Variants in KCTD16 observed in about 807,000 individuals in gnomAD.
KCTD16 encodes BTB/POZ domain-containing protein KCTD16.
In KCTD16, 13 loss-of-function variants were observed where a neutral mutation model predicts 33.2. The ratio of observed to expected loss-of-function variants is 0.39; its 90% CI spans 0.25 to 0.62. KCTD16 has a LOEUF of 0.62. Ranked by LOEUF, KCTD16 falls within the 20% of genes least tolerant of loss-of-function variation. KCTD16 has a pLI of 0.50. For missense variants in KCTD16, 441 were observed against 525.1 expected, an observed-to-expected ratio of 0.84 and a Z score of 1.57; for synonymous variants, 197 against 195.3, an observed-to-expected ratio of 1.01 and a Z score of -0.07.
At chr5:144,213,405 C>CT (rs1347237980) in intron 3 of KCTD16, among the ~76,000 whole-genome samples, 1 of 150,104 alleles carries the variant, frequency 6.7e-6, no homozygotes, top group South Asian at 2.1e-4. Flanking sequence ...CTCTCTCTTT[C>CT]TTTTTTTCTC....
At chr5:144,338,801 C>A (rs864096) in intron 3 of KCTD16, among the ~76,000 whole-genome samples, 32,643 of 151,964 alleles carry the variant, frequency 0.21, 3,950 homozygotes, top group Non-Finnish European at 0.28. Context: ...CAAGGCTGAG[C>A]TATAATGGTG....
chr5:144,344,548 A>G (rs1481724488), intron 3 of KCTD16, among the ~76,000 whole-genome samples: 1 of 151,884 alleles, frequency 6.6e-6, no homozygotes, highest in Admixed American at 6.6e-5. Flanking sequence ...GGCAAAGGAC[A>G]TGAACAGACA....
rs1184951987 is a variant in KCTD16 at position 144,483,784 on chromosome 5, C to T, written c.*9670C>T. The T allele has an allele frequency of 2.0e-5, 3 of 151,970 alleles. No homozygotes were observed. The allele number at this position is 151,970 out of a possible 1,614,324, so 9.4% of individuals were successfully genotyped here. Reference sequence around the variant, plus strand: ...ATGCCTTCAACTGATAGTCCTAGCACAGATCCCTCCTCCCAGAGATCTGTC... The same window carrying T: ...ATGCCTTCAACTGATAGTCCTAGCATAGATCCCTCCTCCCAGAGATCTGTC... On this transcript the variant is annotated 3_prime_UTR_variant, in exon 4 of 4. Coordinates refer to ENST00000512467, the MANE Select transcript of KCTD16 (RefSeq NM_020768.4).
At position 144,457,444 on chromosome 5, in the gene KCTD16, T is replaced by C. The variant is rs1469038482; in HGVS notation, c.833-16216T>C. Among the ~76,000 whole-genome samples, 4 of 152,154 alleles carry C rather than the reference T, an allele frequency of 2.6e-5. No individual in the cohort carries two copies. The East Asian group carries it at 7.7e-4, about 29-fold the overall frequency. Reference sequence around the variant, plus strand: ...AAGGAACAACTGAGCTGACTCTTCATTGACAGGTTGCCCAGGTTAAGGGAG... The same window carrying C: ...AAGGAACAACTGAGCTGACTCTTCACTGACAGGTTGCCCAGGTTAAGGGAG... On this transcript the variant is annotated intron_variant, in intron 3 of 3. Transcript: ENST00000512467.
At chr5:144,428,302 A>G (rs1162708368) in intron 3 of KCTD16, among the ~76,000 whole-genome samples, 1 of 152,164 alleles carries the variant, frequency 6.6e-6, no homozygotes, top group African/African-American at 2.4e-5. Context: ...AGACACCAAT[A>G]TCCTGTTTGT....
rs1177609142 is a variant in KCTD16, at chr5:144,479,645, T to G, written c.*5531T>G. 1.3e-5 allele frequency: 2 copies of G among 151,914 alleles called. No homozygotes were observed. Among genetic ancestry groups the G allele is most frequent in the Non-Finnish European group, 2.9e-5 (2 of 67,912 alleles). The allele number at this position is 151,914 out of a possible 1,614,324, so 9.4% of individuals were successfully genotyped here. ...CAAGATTAAAACAAAAATGGTTAAA[T>G]TTGATTCAGTTTGTTGCCCTCTCTC... On this transcript the variant is annotated 3_prime_UTR_variant, in exon 4 of 4. Coordinates refer to ENST00000512467, the MANE Select transcript of KCTD16 (RefSeq NM_020768.4).
intron 1 of KCTD16, among the ~76,000 whole-genome samples, chr5:144,172,797 CTG>C (rs1752422452): frequency 6.6e-6 from 1 of 152,118 alleles, no homozygotes; most frequent in Admixed American, 6.5e-5. Context: ...ATCCATGAAG[CTG>C]TGTTTCGAGT....
At chr5:144,264,211 C>T (rs1366617244) in intron 3 of KCTD16, among the ~76,000 whole-genome samples, 2 of 152,144 alleles carry the variant, frequency 1.3e-5, no homozygotes, top group African/African-American at 4.8e-5. Flanking sequence ...TACAATCTTT[C>T]TCTGTATAAA....
chr5:144,222,859 G>A (rs1024980578), intron 3 of KCTD16, among the ~76,000 whole-genome samples: 2 of 151,998 alleles, frequency 1.3e-5, no homozygotes, highest in South Asian at 2.1e-4. Flanking sequence ...TTACTGCGGC[G>A]CTGTTCACAA....
chr5:144,180,861 A>G (rs990685812), intron 2 of KCTD16, among the ~76,000 whole-genome samples: 7 of 152,158 alleles, frequency 4.6e-5, no homozygotes, highest in East Asian at 1.9e-4. Context: ...GAGGCATTCT[A>G]TTGGCTAGAA....
At chr5:144,419,394 A>T (rs538316700) in intron 3 of KCTD16, among the ~76,000 whole-genome samples, 2 of 152,182 alleles carry the variant, frequency 1.3e-5, no homozygotes, top group South Asian at 4.1e-4. Flanking sequence ...TTGTGCACAA[A>T]GTGATTTATT....
chr5:144,289,781 G>GATTACAC (rs1755844642), intron 3 of KCTD16, among the ~76,000 whole-genome samples: 1 of 151,694 alleles, frequency 6.6e-6, no homozygotes, highest in Non-Finnish European at 1.5e-5. Context: ...ACTAGATTAT[G>GATTACAC]ATTACACATT....
Position 144,230,055 on chromosome 5 carries a change from T to C in KCTD16, c.832+22509T>C, listed in dbSNP as rs1754054269. 3.9e-5 allele frequency among the ~76,000 whole-genome samples: 6 copies of C among 152,120 alleles called. No individual in the cohort carries two copies. The South Asian group carries it at 1.0e-3, about 26-fold the overall frequency. ...TACATGGGAGGCTGAGGGACAAGAA[T>C]CATTTGAACCCTGGAGGTGGAGACT... On this transcript the variant is annotated intron_variant, in intron 3 of 3. Transcript: ENST00000512467.
At chr5:144,228,668 A>G (rs924548295) in intron 3 of KCTD16, among the ~76,000 whole-genome samples, 1 of 152,206 alleles carries the variant, frequency 6.6e-6, no homozygotes. Flanking sequence ...TTCAGTGGTT[A>G]GAGAAAAAAG....
At chr5:144,301,318 T>C (rs1751433115) in intron 3 of KCTD16, among the ~76,000 whole-genome samples, 1 of 147,034 alleles carries the variant, frequency 6.8e-6, no homozygotes, top group Admixed American at 6.8e-5. Context: ...TGGAAGGCAG[T>C]GGGAAGGATT....
intron 3 of KCTD16, among the ~76,000 whole-genome samples, chr5:144,236,256 C>T (rs1296678129): frequency 1.3e-5 from 2 of 152,090 alleles, no homozygotes; most frequent in Non-Finnish European, 2.9e-5. Context: ...ATTCTAACTA[C>T]TGGATAACAT....
intron 3 of KCTD16, among the ~76,000 whole-genome samples, chr5:144,368,898 A>G (rs1751899612): frequency 6.6e-6 from 1 of 152,216 alleles, no homozygotes; most frequent in African/African-American, 2.4e-5. Flanking sequence ...GTTCAAAATA[A>G]TAGAGTTTAG....
chr5:144,399,269 G>A (rs1752648406), intron 3 of KCTD16, among the ~76,000 whole-genome samples: 1 of 152,058 alleles, frequency 6.6e-6, no homozygotes, highest in African/African-American at 2.4e-5. Flanking sequence ...CTAGGTCACT[G>A]CTATCTCCTC....
chr5:144,417,402 C>T (rs527880941), intron 3 of KCTD16, among the ~76,000 whole-genome samples: 9 of 152,088 alleles, frequency 5.9e-5, no homozygotes, highest in African/African-American at 9.6e-5. Context: ...GTGTTTGTTG[C>T]CCATTTGCAT....
Sources: allele counts gnomAD v4.1 joint callset (sites outside exome capture counted in the v4.1 genomes callset), GRCh38; gene constraint gnomAD v4.1.1; transcripts MANE v1.5; gene names NCBI Gene and HGNC (gene_info 2026-07-23, HGNC 2026-07-21).